DGKI: variants seen among roughly 807,000 people sequenced by gnomAD.
DGKI encodes diacylglycerol kinase iota.
Under a neutral mutation model 147.5 loss-of-function variants are expected in DGKI, and 55 were observed. The ratio of observed to expected loss-of-function variants is 0.37; its 90% CI spans 0.30 to 0.47. The LOEUF is 0.47. Among genes scored for constraint, DGKI ranks in the 20% least tolerant of loss-of-function variants. DGKI has a pLI of 1.00. For missense variants in DGKI, 1,007 were observed against 1,323.8 expected (o/e 0.76, Z 3.71); for synonymous variants, 469 against 477.1 (o/e 0.98, Z 0.22).
intron 23 of DGKI, among the ~76,000 whole-genome samples, chr7:137,478,737 G>C (rs1394505343): frequency 1.3e-5 from 2 of 152,190 alleles, no homozygotes; most frequent in Non-Finnish European, 2.9e-5. Flanking sequence ...ATGGCTCCTG[G>C]AAAGGGGGTG....
chr7:137,428,847 G>T (rs1812933409), intron 28 of DGKI, among the ~76,000 whole-genome samples: 1 of 152,028 alleles, frequency 6.6e-6, no homozygotes, highest in Non-Finnish European at 1.5e-5. Flanking sequence ...ACTTACAAGG[G>T]ATGCGAAGGA....
chr7:137,681,695 C>A (rs1309401214), intron 2 of DGKI, among the ~76,000 whole-genome samples: 1 of 152,220 alleles, frequency 6.6e-6, no homozygotes, highest in East Asian at 1.9e-4. Flanking sequence ...AGCAAAATCC[C>A]ACTAACTACT....
chr7:137,807,523 T>C (rs1797418662), intron 1 of DGKI, among the ~76,000 whole-genome samples: 1 of 152,164 alleles, frequency 6.6e-6, no homozygotes, highest in Non-Finnish European at 1.5e-5. Context: ...ATAGGGCCCA[T>C]CCAAGTCACT....
chr7:137,532,569 T>C (rs1466614903), intron 20 of DGKI, among the ~76,000 whole-genome samples: 1 of 152,160 alleles, frequency 6.6e-6, no homozygotes, highest in East Asian at 1.9e-4. Flanking sequence ...TGGAAAGAGA[T>C]ATAGATGGCC....
At chr7:137,752,392 A>G (rs1466096263) in intron 1 of DGKI, among the ~76,000 whole-genome samples, 1 of 152,200 alleles carries the variant, frequency 6.6e-6, no homozygotes, top group African/African-American at 2.4e-5. Context: ...TTTTGGTTAT[A>G]ACTTAGAACA....
At position 137,645,645 on chromosome 7, in the gene DGKI, C is replaced by A. The variant is rs1294263431; in HGVS notation, c.739-108G>T. On this transcript the variant is annotated intron_variant, in intron 5 of 32. Coordinates refer to ENST00000614521, the MANE Select transcript of DGKI (RefSeq NM_001321708.2). ...GCAGTGGTATAATCATAGTTCACTG[C>A]AGCCTCGAACTCCTCTGCTCAAGCA... 165 of 968,220 alleles carry A rather than the reference C, an allele frequency of 1.7e-4. 1 individual carries two copies. In the East Asian group the frequency reaches 4.5e-3, roughly 27 times the overall value. 60.0% of individuals were successfully genotyped at this position (968,220 alleles called of 1,614,324 possible). A position where few individuals can be genotyped will look rare whatever the true frequency, so the allele number is the denominator to read the frequency against.
intron 21 of DGKI, among the ~76,000 whole-genome samples, chr7:137,498,767 AGT>A (rs1816062925): frequency 6.6e-6 from 1 of 152,198 alleles, no homozygotes. Context: ...AATACGAATG[AGT>A]GTTATATAAA....
chr7:137,690,038 A>ACAAAGG, intron 1 of DGKI, 36 bp from the exon 2 acceptor site: 1 of 1,532,474 alleles, frequency 6.5e-7, no homozygotes, highest in Non-Finnish European at 8.8e-7. Flanking sequence ...AAAAACAAAG[A>ACAAAGG]AAAACCAACA....
chr7:137,475,187 C>A (rs573019999), intron 23 of DGKI, among the ~76,000 whole-genome samples: 1 of 152,252 alleles, frequency 6.6e-6, no homozygotes, highest in African/African-American at 2.4e-5. Flanking sequence ...TCCATAAATA[C>A]ATTTGCACTC....
chr7:137,794,702 T>C (rs1796970261), intron 1 of DGKI, among the ~76,000 whole-genome samples: 2 of 152,182 alleles, frequency 1.3e-5, no homozygotes, highest in African/African-American at 4.8e-5. Context: ...TCCCAAAGCT[T>C]TACTGCCTCA....
At chr7:137,711,282 C>A (rs1794203827) in intron 1 of DGKI, among the ~76,000 whole-genome samples, 1 of 152,016 alleles carries the variant, frequency 6.6e-6, no homozygotes, top group Non-Finnish European at 1.5e-5. Flanking sequence ...TATATACACA[C>A]AAGATGATAG....
intron 1 of DGKI, chr7:137,843,542 T>C (rs1213875992): frequency 1.4e-5 from 5 of 346,864 alleles, no homozygotes; most frequent in Non-Finnish European, 2.0e-5. Flanking sequence ...AGGGGAAATC[T>C]AGGAGTACAG....
intron 27 of DGKI, among the ~76,000 whole-genome samples, chr7:137,450,159 C>A (rs1049750857): frequency 6.6e-6 from 1 of 152,060 alleles, no homozygotes; most frequent in Non-Finnish European, 1.5e-5. Context: ...GAGACATGCT[C>A]TTCAAAGTAG....
intron 6 of DGKI, 135 bp from the exon 7 acceptor site, chr7:137,623,689 T>C (rs757803771): frequency 1.3e-4 from 90 of 703,094 alleles, no homozygotes; most frequent in Non-Finnish European, 2.2e-4. Context: ...TAAGTAGAAT[T>C]GCAAAGGCCA....
chr7:137,391,811 AG>A (rs1341283233), intron 32 of DGKI, among the ~76,000 whole-genome samples: 2 of 152,204 alleles, frequency 1.3e-5, no homozygotes, highest in Non-Finnish European at 2.9e-5. Context: ...AGAAACTAAA[AG>A]GAAGGGATAG....
chr7:137,832,413 T>C (rs10280253), intron 1 of DGKI, among the ~76,000 whole-genome samples: 2,512 of 152,354 alleles, frequency 0.016, 68 homozygotes, highest in African/African-American at 0.058. Context: ...GACTTCCATG[T>C]ACCTGCAGGC....
At chr7:137,654,520 C>A (rs556586790) in intron 5 of DGKI, among the ~76,000 whole-genome samples, 54 of 152,298 alleles carry the variant, frequency 3.5e-4, no homozygotes, top group Middle Eastern at 6.8e-3. Context: ...CCTTAAACTC[C>A]CCAGTACATT....
Position 137,463,574 on chromosome 7 carries a change from T to C in DGKI, c.2650A>G (p.Met884Val). The C allele has an allele frequency of 6.2e-7, 1 of 1,614,196 alleles. No individual in the cohort carries two copies. The highest frequency in any genetic ancestry group is 8.5e-7 in the Non-Finnish European group (1 of 1,180,016). The change falls in exon 27 of 33, where the codon ATG becomes GTG. Residue 884 changes from methionine (M) to valine (V), a missense_variant. Around this residue, in one of 5 missense-constraint regions of DGKI, gnomAD observed 385 missense variants for 445.2 expected, o/e 0.86. Transcript: ENST00000614521. ...ATCCCCAGCCCACTGTCACTCAGCA[T>C]GCGTTTCCGCAGGGCAGGATTCCAC... ...DWWNPALRKR[M>V]LSDSGLGMIA...
At chr7:137,639,423 C>T (rs1055496814) in intron 6 of DGKI, among the ~76,000 whole-genome samples, 1 of 152,176 alleles carries the variant, frequency 6.6e-6, no homozygotes, top group Non-Finnish European at 1.5e-5. Context: ...GTACCTGGAA[C>T]CTTTTGGGAT....
Sources: allele counts gnomAD v4.1 joint callset (sites outside exome capture counted in the v4.1 genomes callset), GRCh38; gene constraint gnomAD v4.1.1; regional missense constraint gnomAD v4.1.1; transcripts MANE v1.5; gene names NCBI Gene and HGNC (gene_info 2026-07-23, HGNC 2026-07-21).